Variants in PAPPA2 observed in about 807,000 individuals in gnomAD.
PAPPA2 encodes pappalysin 2.
In PAPPA2, 86 loss-of-function variants were observed where a neutral mutation model predicts 176.4. The observed-to-expected ratio is 0.49, with a 90% confidence interval of 0.41 to 0.58. PAPPA2 has a LOEUF of 0.58. PAPPA2 is among the 20% of genes least tolerant of loss of function. The probability of loss-of-function intolerance (pLI) is 0.00; values close to 1 mark genes in which losing one functional copy is unlikely to be tolerated. For missense variants in PAPPA2, 2,073 were observed against 2,256.9 expected, an observed-to-expected ratio of 0.92 and a Z score of 1.65; for synonymous variants, 809 against 852.2, an observed-to-expected ratio of 0.95 and a Z score of 0.88.
chr1:176,762,938 C>A (rs900898893), intron 14 of PAPPA2, among the ~76,000 whole-genome samples: 1 of 152,150 alleles, frequency 6.6e-6, no homozygotes, highest in Admixed American at 6.5e-5. Context: ...GTTCTTCCAA[C>A]TTATACATAA....
chr1:176,718,799 T>G (rs1388612014), intron 12 of PAPPA2, among the ~76,000 whole-genome samples: 1 of 151,996 alleles, frequency 6.6e-6, no homozygotes, highest in Non-Finnish European at 1.5e-5. Flanking sequence ...GAATTATGGA[T>G]CAGTCTATGG....
intron 2 of PAPPA2, among the ~76,000 whole-genome samples, chr1:176,581,509 G>C (rs1652956825): frequency 6.6e-6 from 1 of 152,138 alleles, no homozygotes; most frequent in South Asian, 2.1e-4. Context: ...AATGTCATTG[G>C]TATTTTGATA....
intron 21 of PAPPA2, among the ~76,000 whole-genome samples, chr1:176,831,570 G>A (rs1667080979): frequency 1.3e-5 from 2 of 152,188 alleles, no homozygotes; most frequent in Non-Finnish European, 2.9e-5. Flanking sequence ...CTTGAGGTGG[G>A]CAAGACCACT....
chr1:176,597,660 G>A (rs867966584), intron 3 of PAPPA2, among the ~76,000 whole-genome samples: 2 of 152,066 alleles, frequency 1.3e-5, no homozygotes, highest in Non-Finnish European at 2.9e-5. Flanking sequence ...TTCTGCACAT[G>A]TATCCCAGAA....
intron 1 of PAPPA2, among the ~76,000 whole-genome samples, chr1:176,468,787 C>T (rs1034307266): frequency 2.6e-5 from 4 of 152,126 alleles, no homozygotes; most frequent in Non-Finnish European, 5.9e-5. Flanking sequence ...GAAGAGTTTC[C>T]CTGACAGAGG....
At chr1:176,795,530 T>G (rs375133110) in intron 20 of PAPPA2, among the ~76,000 whole-genome samples, 1 of 152,230 alleles carries the variant, frequency 6.6e-6, no homozygotes, top group East Asian at 1.9e-4. Context: ...AAATTAATGT[T>G]TTGCAAAGTA....
chr1:176,814,217 G>T (rs1290572574), intron 21 of PAPPA2, among the ~76,000 whole-genome samples: 1 of 152,164 alleles, frequency 6.6e-6, no homozygotes, highest in Non-Finnish European at 1.5e-5. Context: ...CAGGTAGCAT[G>T]ATGCCTCCAG....
intron 2 of PAPPA2, among the ~76,000 whole-genome samples, chr1:176,590,923 G>C (rs564264483): frequency 7.4e-4 from 113 of 152,210 alleles, no homozygotes; most frequent in Non-Finnish European, 1.3e-3. Context: ...CTCAGTGTCT[G>C]CATCTATAAA....
chr1:176,598,429 A>AT (rs1654104994), intron 3 of PAPPA2, among the ~76,000 whole-genome samples: 1 of 152,084 alleles, frequency 6.6e-6, no homozygotes, highest in African/African-American at 2.4e-5. Context: ...TATAATTACT[A>AT]TTTTTTGTTG....
chr1:176,758,427 G>A (rs147653788), intron 14 of PAPPA2, among the ~76,000 whole-genome samples: 1 of 152,278 alleles, frequency 6.6e-6, no homozygotes, highest in Admixed American at 6.5e-5. Context: ...TGCTGTTATT[G>A]TTGTTAATGG....
rs74127220 is a variant in PAPPA2 at position 176,659,851 on chromosome 1, C to A, written c.1992-11119C>A. Reference sequence around the variant, plus strand: ...TAGTGTTAGGGATGTCATTTCTTAACAACTATAATTTGATAAGGCTCTCTA... The same window carrying A: ...TAGTGTTAGGGATGTCATTTCTTAAAAACTATAATTTGATAAGGCTCTCTA... On this transcript the variant is annotated intron_variant, in intron 3 of 22. Transcript: ENST00000367662. Among the ~76,000 whole-genome samples, 986 of 152,170 alleles carry A rather than the reference C, an allele frequency of 6.5e-3. 14 individuals carry two copies. Among genetic ancestry groups the A allele is most frequent in the African/African-American group, 0.02 (838 of 41,542 alleles).
chr1:176,712,102 A>G, intron 12 of PAPPA2, 121 bp downstream of exon 12: 1 of 1,223,734 alleles, frequency 8.2e-7, no homozygotes, highest in Non-Finnish European at 1.1e-6. Context: ...TTCTTTTGTT[A>G]TCTCAAAGTG....
At chr1:176,568,093 G>A (rs59774337) in intron 2 of PAPPA2, among the ~76,000 whole-genome samples, 32,016 of 152,084 alleles carry the variant, frequency 0.21, 3,554 homozygotes, top group South Asian at 0.42. Context: ...TGTGATGGAA[G>A]GGGCAGAGGA....
chr1:176,623,128 A>G (rs1655687431), intron 3 of PAPPA2, among the ~76,000 whole-genome samples: 2 of 152,220 alleles, frequency 1.3e-5, no homozygotes, highest in East Asian at 1.9e-4. Context: ...CATTCAGACC[A>G]TAGCAAATGG....
chr1:176,698,437 C>T (rs1660484834), intron 7 of PAPPA2, among the ~76,000 whole-genome samples: 1 of 152,168 alleles, frequency 6.6e-6, no homozygotes, highest in Non-Finnish European at 1.5e-5. Context: ...TTCCATGGAG[C>T]TGACTTTCAT....
At chr1:176,798,682 T>C (rs1665546557) in intron 20 of PAPPA2, among the ~76,000 whole-genome samples, 1 of 152,242 alleles carries the variant, frequency 6.6e-6, no homozygotes, top group African/African-American at 2.4e-5. Flanking sequence ...TGGTTCTGCA[T>C]AAATGGCTGT....
chr1:176,836,666 G>C (rs1667283469), intron 21 of PAPPA2: 1 of 152,118 alleles, frequency 6.6e-6, no homozygotes, highest in Non-Finnish European at 1.5e-5. Flanking sequence ...GAACCATCCA[G>C]TCCTAAGCTC....
intron 1 of PAPPA2, among the ~76,000 whole-genome samples, chr1:176,540,762 A>G (rs948406479): frequency 1.3e-5 from 2 of 152,192 alleles, no homozygotes; most frequent in African/African-American, 4.8e-5. Flanking sequence ...AACCTTCTCA[A>G]TTCAGCCAAG....
intron 1 of PAPPA2, among the ~76,000 whole-genome samples, chr1:176,543,402 T>C (rs1360555910): frequency 1.3e-5 from 2 of 152,086 alleles, no homozygotes; most frequent in African/African-American, 4.8e-5. Flanking sequence ...TCAATCCCCT[T>C]GTTCTCCTTT....
Sources: gnomAD v4.1 joint callset for allele counts (sites outside exome capture counted in the v4.1 genomes callset) on GRCh38, gnomAD v4.1.1 for gene constraint, MANE v1.5 for transcripts, NCBI Gene and HGNC (gene_info 2026-07-23, HGNC 2026-07-21) for gene names.